Variants in RSRC1 observed in about 807,000 individuals in gnomAD.
The protein encoded by RSRC1 is arginine and serine rich coiled-coil 1, also known as serine/Arginine-related protein 53.
In RSRC1, 39 loss-of-function variants were observed where a neutral mutation model predicts 49.1. The ratio of observed to expected loss-of-function variants is 0.79; its 90% CI spans 0.61 to 1.04. The LOEUF is 1.04. Among genes scored for constraint, RSRC1 ranks in the 50% least tolerant of loss-of-function variants. RSRC1 has a pLI of 0.00. For missense variants in RSRC1, 388 were observed against 402.4 expected, an observed-to-expected ratio of 0.96 and a Z score of 0.31; for synonymous variants, 143 against 130.8, an observed-to-expected ratio of 1.09 and a Z score of -0.63.
Position 158,467,207 on chromosome 3 carries a change from A to G in RSRC1, c.652+6204A>G, listed in dbSNP as rs1178137041. Among the ~76,000 whole-genome samples the G allele has an allele frequency of 3.3e-5, 5 of 152,348 alleles. No individual in the cohort carries two copies. The South Asian group carries it at 8.3e-4, about 25-fold the overall frequency. ...AAAATATTTCCTGAATATTCACTAC[A>G]TCCAGGATACTGCTCTAAGCTGTAT... is the stretch of plus-strand genomic sequence containing the variant. On this transcript the variant is annotated intron_variant, in intron 7 of 9. Transcript: ENST00000611884.
chr3:158,248,302 T>C (rs1160352201), intron 4 of RSRC1, among the ~76,000 whole-genome samples: 1 of 152,196 alleles, frequency 6.6e-6, no homozygotes, highest in African/African-American at 2.4e-5. Flanking sequence ...GTGTTTTTTA[T>C]TTGTGTCTAG....
At chr3:158,468,080 C>T (rs1362089912) in intron 7 of RSRC1, among the ~76,000 whole-genome samples, 2 of 152,136 alleles carry the variant, frequency 1.3e-5, no homozygotes, top group African/African-American at 2.4e-5. Context: ...ACTACAGGTG[C>T]CTGCCACCAT....
At position 158,203,218 on chromosome 3, in the gene RSRC1, A is replaced by G. The variant is rs770931599; in HGVS notation, c.467A>G (p.Asp156Gly). ...GAAAAGGAGAAGGATAAAGGGAAGG[A>G]CAAGGAATTACATAACATCAAACGT... ...KREKEKDKGK[D>G]KELHNIKRGE... Residue 156 changes from aspartate to glycine, a missense_variant, in exon 4 of 10, where the codon GAC becomes GGC. Coordinates refer to ENST00000611884, the MANE Select transcript of RSRC1 (RefSeq NM_001271838.2). 5.0e-6 allele frequency: 8 copies of G among 1,600,594 alleles called. No homozygotes were observed. The highest frequency in any genetic ancestry group is 3.5e-5 in the Admixed American group (2 of 57,882).
intron 7 of RSRC1, among the ~76,000 whole-genome samples, chr3:158,481,201 A>C (rs549892324): frequency 7.9e-5 from 12 of 152,172 alleles, no homozygotes; most frequent in Admixed American, 6.6e-4. Flanking sequence ...TCTTTATTCA[A>C]CTTACACCTA....
chr3:158,276,245 G>A (rs1258862631), intron 4 of RSRC1: 5 of 772,610 alleles, frequency 6.5e-6, no homozygotes, highest in Non-Finnish European at 1.2e-5. Flanking sequence ...TATATATAAT[G>A]TAACCTTTCT....
At chr3:158,461,069 A>G (rs981154123) in intron 7 of RSRC1, 66 bp downstream of exon 7, 4 of 1,160,146 alleles carry the variant, frequency 3.4e-6, no homozygotes, top group African/African-American at 1.5e-5. Context: ...AATAGACCGT[A>G]GAATATAATC....
chr3:158,501,654 A>G (rs1739604448), intron 7 of RSRC1, among the ~76,000 whole-genome samples: 1 of 152,038 alleles, frequency 6.6e-6, no homozygotes, highest in South Asian at 2.1e-4. Flanking sequence ...CTTTTGTCTG[A>G]TATAAGAATA....
At chr3:158,211,834 T>C (rs1255524484) in intron 4 of RSRC1, among the ~76,000 whole-genome samples, 1 of 151,932 alleles carries the variant, frequency 6.6e-6, no homozygotes, top group Admixed American at 6.6e-5. Flanking sequence ...TCATTTTATT[T>C]TTTATTGATA....
At chr3:158,219,094 A>T (rs868383647) in intron 4 of RSRC1, among the ~76,000 whole-genome samples, 3 of 151,656 alleles carry the variant, frequency 2.0e-5, no homozygotes, top group Non-Finnish European at 3.0e-5. Flanking sequence ...CACTTAAACC[A>T]TCTGGAAGAA....
chr3:158,208,406 C>T (rs1721469604), intron 4 of RSRC1, among the ~76,000 whole-genome samples: 1 of 152,160 alleles, frequency 6.6e-6, no homozygotes, highest in Non-Finnish European at 1.5e-5. Flanking sequence ...TTTTGTTGCT[C>T]AGGCTGGAGT....
At chr3:158,234,783 A>G (rs965587046) in intron 4 of RSRC1, among the ~76,000 whole-genome samples, 4 of 152,112 alleles carry the variant, frequency 2.6e-5, no homozygotes, top group Non-Finnish European at 5.9e-5. Context: ...AAGATTTTTT[A>G]TTGTACAAAT....
intron 4 of RSRC1, among the ~76,000 whole-genome samples, chr3:158,206,433 T>C (rs1721347306): frequency 6.6e-6 from 1 of 152,138 alleles, no homozygotes; most frequent in Non-Finnish European, 1.5e-5. Context: ...TTTGAGGGAC[T>C]GAAGTCTAGT....
intron 4 of RSRC1, among the ~76,000 whole-genome samples, chr3:158,261,621 A>C (rs1724898781): frequency 6.6e-6 from 1 of 152,124 alleles, no homozygotes; most frequent in Non-Finnish European, 1.5e-5. Context: ...ATTTACAGCC[A>C]CTCACCATCG....
At chr3:158,163,373 T>C (rs1267158510) in intron 3 of RSRC1, among the ~76,000 whole-genome samples, 1 of 152,158 alleles carries the variant, frequency 6.6e-6, no homozygotes, top group Non-Finnish European at 1.5e-5. Context: ...GATTCCCATT[T>C]TGAAGTTGCT....
At chr3:158,299,966 T>A (rs1165982065) in intron 5 of RSRC1, among the ~76,000 whole-genome samples, 2 of 152,200 alleles carry the variant, frequency 1.3e-5, no homozygotes, top group African/African-American at 4.8e-5. Flanking sequence ...TTAAATAACA[T>A]TTCATCTGAA....
At chr3:158,508,471 C>G (rs1739981401) in intron 7 of RSRC1, among the ~76,000 whole-genome samples, 1 of 151,780 alleles carries the variant, frequency 6.6e-6, no homozygotes, top group South Asian at 2.1e-4. Context: ...TCATACATGT[C>G]GTACCTAATG....
At chr3:158,430,829 A>T (rs1186974097) in intron 6 of RSRC1, among the ~76,000 whole-genome samples, 2 of 151,970 alleles carry the variant, frequency 1.3e-5, no homozygotes, top group Non-Finnish European at 2.9e-5. Flanking sequence ...AATTAACAAG[A>T]TGTAAAATAT....
At chr3:158,410,568 G>A (rs2362969) in intron 6 of RSRC1, among the ~76,000 whole-genome samples, 19 of 151,856 alleles carry the variant, frequency 1.3e-4, no homozygotes, top group South Asian at 2.1e-4. Flanking sequence ...GACCGTATCT[G>A]TTTTGTATAC....
intron 7 of RSRC1, among the ~76,000 whole-genome samples, chr3:158,470,610 A>G (rs1738095320): frequency 1.3e-5 from 2 of 152,126 alleles, no homozygotes; most frequent in South Asian, 4.1e-4. Context: ...TGAATGGAGA[A>G]TATAGTTCAA....
Sources: allele counts gnomAD v4.1 joint callset (sites outside exome capture counted in the v4.1 genomes callset), GRCh38; gene constraint gnomAD v4.1.1; transcripts MANE v1.5; gene names NCBI Gene and HGNC (gene_info 2026-07-23, HGNC 2026-07-21).